GABRA3: variants seen among roughly 807,000 people sequenced by gnomAD.
GABRA3 encodes the protein gamma-aminobutyric acid receptor subunit alpha-3.
In GABRA3, 10 loss-of-function variants were observed where a neutral mutation model predicts 30.1. The ratio of observed to expected loss-of-function variants is 0.33; its 90% CI spans 0.20 to 0.56. The LOEUF (loss-of-function observed/expected upper bound fraction) is 0.56. GABRA3 is among the 20% of genes least tolerant of loss of function. The pLI, the probability that GABRA3 is intolerant of heterozygous loss-of-function variation, is 0.89. For missense variants in GABRA3, 233 were observed against 392.0 expected, an observed-to-expected ratio of 0.59 and a Z score of 3.42; for synonymous variants, 151 against 146.8, an observed-to-expected ratio of 1.03 and a Z score of -0.21.
At chrX:152,177,268 GA>G (rs758006877) in intron 9 of GABRA3, among the ~76,000 whole-genome samples, 13 of 111,754 alleles carry the variant, frequency 1.2e-4, no homozygotes, top group Non-Finnish European at 2.1e-4. Context: ...TGCTGGGGCA[GA>G]ATGTTTTATC....
intron 3 of GABRA3, among the ~76,000 whole-genome samples, chrX:152,325,037 T>C (rs1344988777): frequency 9.0e-6 from 1 of 111,458 alleles, no homozygotes; most frequent in Non-Finnish European, 1.9e-5. Flanking sequence ...GTGAGATAGC[T>C]TGAAAGCATC....
intron 1 of GABRA3, among the ~76,000 whole-genome samples, chrX:152,427,200 G>A (rs1930534505): frequency 9.0e-6 from 1 of 111,393 alleles, no homozygotes. Flanking sequence ...GCCAGAATCA[G>A]CTTTGAAACC....
chrX:152,314,136 G>A (rs1020523608), intron 3 of GABRA3, among the ~76,000 whole-genome samples: 2 of 111,191 alleles, frequency 1.8e-5, no homozygotes, highest in African/African-American at 6.5e-5. Context: ...ATGACACGTC[G>A]ACCCACCAAC....
rs58107269 is a variant in GABRA3, at chrX:152,288,722, G to C, written c.263-3987C>G. On this transcript the variant is annotated intron_variant, in intron 3 of 9. Coordinates refer to ENST00000370314, the MANE Select transcript of GABRA3 (RefSeq NM_000808.4). The stretch of plus-strand genomic sequence containing the variant: ...GTGAATTAAACTGAAACTCATGAGG[G>C]CCACAATATATAGAGTCTAGCCTCT... 7.0e-3 allele frequency among the ~76,000 whole-genome samples: 782 copies of C among 111,749 alleles called. 6 individuals carry two copies. The highest frequency in any genetic ancestry group is 0.024 in the African/African-American group (753 of 30,816).
chrX:152,328,531 C>A lies in GABRA3; in HGVS notation c.262+17050G>T, dbSNP rs779779980. Among the ~76,000 whole-genome samples the A allele has an allele frequency of 1.3e-4, 14 of 111,685 alleles. No individual in the cohort carries two copies. In the South Asian group the frequency reaches 1.5e-3, roughly 12 times the overall value. On this transcript the variant is annotated intron_variant, in intron 3 of 9. Transcript: ENST00000370314. Reference sequence around the variant, plus strand: ...CAAGTTAGCTTCATCCCAGGGATTCCAGGCTGGTTCAACATACACAAATCA... The same window carrying A: ...CAAGTTAGCTTCATCCCAGGGATTCAAGGCTGGTTCAACATACACAAATCA...
intron 2 of GABRA3, among the ~76,000 whole-genome samples, chrX:152,360,901 T>C (rs1197821194): frequency 1.9e-5 from 2 of 106,317 alleles, no homozygotes; most frequent in Non-Finnish European, 3.9e-5. Context: ...AGTGAGACCC[T>C]ATCTCTAAAA....
At chrX:152,306,883 A>G (rs1426368640) in intron 3 of GABRA3, among the ~76,000 whole-genome samples, 1 of 111,176 alleles carries the variant, frequency 9.0e-6, no homozygotes, top group Non-Finnish European at 1.9e-5. Context: ...CAGTGCCCCA[A>G]CATGCCTGCC....
At chrX:152,434,179 T>C (rs1438198507) in intron 1 of GABRA3, among the ~76,000 whole-genome samples, 1 of 110,517 alleles carries the variant, frequency 9.0e-6, no homozygotes, top group Admixed American at 9.7e-5. Flanking sequence ...GTCAGCGGGC[T>C]GGGGAAGTCA....
At chrX:152,267,087 G>T (rs1938839074) in intron 4 of GABRA3, among the ~76,000 whole-genome samples, 2 of 112,066 alleles carry the variant, frequency 1.8e-5, no homozygotes, top group Admixed American at 1.9e-4. Context: ...AAAACAAAGT[G>T]GAACAAATAA....
chrX:152,197,828 A>C (rs769022350), intron 7 of GABRA3, 43 bp from the exon 8 acceptor site: 1 of 1,058,303 alleles, frequency 9.4e-7, no homozygotes, highest in Non-Finnish European at 1.3e-6. Context: ...CTACATAAAC[A>C]TTGCTAAATC....
chrX:152,179,651 C>T (rs1255057097), intron 9 of GABRA3, among the ~76,000 whole-genome samples: 1 of 110,012 alleles, frequency 9.1e-6, no homozygotes, highest in Non-Finnish European at 1.9e-5. Context: ...CCCGCCACCA[C>T]ACCTGGCTAA....
At chrX:152,394,706 G>A (rs1305755490) in intron 1 of GABRA3, among the ~76,000 whole-genome samples, 2 of 112,481 alleles carry the variant, frequency 1.8e-5, no homozygotes, top group African/African-American at 6.5e-5. Flanking sequence ...TTCAATCACA[G>A]TATATGAGCA....
intron 1 of GABRA3, among the ~76,000 whole-genome samples, chrX:152,431,912 G>A (rs1311846007): frequency 1.8e-5 from 2 of 111,723 alleles, no homozygotes; most frequent in East Asian, 5.6e-4. Context: ...CCCTGCCAAT[G>A]TCTTGATTTT....
In GABRA3 at chrX:152,313,572, C is replaced by T. The variant is rs1482377459; in HGVS notation, c.263-28837G>A. Among the ~76,000 whole-genome samples, 4 of 111,762 alleles carry T rather than the reference C, an allele frequency of 3.6e-5. No individual in the cohort carries two copies. In the Admixed American group the frequency reaches 3.8e-4, roughly 11 times the overall value. ...CTATTTCCAGTACCTCCATTACTGG[C>T]CTTGACTTTACTCTAGCTAGAAATT... On this transcript the variant is annotated intron_variant, in intron 3 of 9. Coordinates refer to ENST00000370314, the MANE Select transcript of GABRA3 (RefSeq NM_000808.4).
intron 1 of GABRA3, among the ~76,000 whole-genome samples, chrX:152,405,733 G>A (rs1031735687): frequency 8.1e-5 from 9 of 111,426 alleles, no homozygotes; most frequent in African/African-American, 2.6e-4. Context: ...GTAGGGAATC[G>A]CAACCCTGAA....
chrX:152,374,572 G>A (rs1285550660), intron 1 of GABRA3, among the ~76,000 whole-genome samples: 8 of 110,516 alleles, frequency 7.2e-5, no homozygotes, highest in Non-Finnish European at 1.1e-4. Context: ...ACATGGTCTC[G>A]ATCTCCTGAC....
chrX:152,267,850 C>T (rs1938855960), intron 4 of GABRA3, among the ~76,000 whole-genome samples: 1 of 107,862 alleles, frequency 9.3e-6, no homozygotes, highest in Non-Finnish European at 1.9e-5. Context: ...CTCACTTGTG[C>T]TTCCTTTTTC....
At chrX:152,375,635 T>TA (rs1928974822) in intron 1 of GABRA3, among the ~76,000 whole-genome samples, 1 of 112,047 alleles carries the variant, frequency 8.9e-6, no homozygotes, top group African/African-American at 3.2e-5. Context: ...CCTTCCACTG[T>TA]ATTTGTCTAG....
intron 4 of GABRA3, among the ~76,000 whole-genome samples, chrX:152,275,247 A>G (rs1462259876): frequency 1.5e-5 from 1 of 66,715 alleles, no homozygotes; most frequent in Non-Finnish European, 2.5e-5. Context: ...ATTTTATTAT[A>G]TATAATAAAA....
Sources: allele counts gnomAD v4.1 joint callset (sites outside exome capture counted in the v4.1 genomes callset), GRCh38; gene constraint gnomAD v4.1.1; transcripts MANE v1.5; gene names NCBI Gene and HGNC (gene_info 2026-07-23, HGNC 2026-07-21).